LRRC20: variants seen among roughly 807,000 people sequenced by gnomAD.
The protein encoded by LRRC20 is leucine-rich repeat-containing protein 20.
In LRRC20, 11 loss-of-function variants were observed where a neutral mutation model predicts 14.4. The ratio of observed to expected loss-of-function variants is 0.77; its 90% confidence interval spans 0.48 to 1.27. The LOEUF is 1.27. Among genes scored for constraint, LRRC20 ranks in the 50% most tolerant of loss-of-function variants. The pLI, the probability that LRRC20 is intolerant of heterozygous loss-of-function variation, is 0.00. For synonymous variants in LRRC20, 121 were observed against 107.3 expected (o/e 1.13, Z -0.79); for missense variants, 219 against 251.2 (o/e 0.87, Z 0.87).
intron 4 of LRRC20, among the ~76,000 whole-genome samples, chr10:70,321,693 C>T (rs370537912): frequency 7.2e-5 from 11 of 152,212 alleles, no homozygotes; most frequent in East Asian, 1.9e-4. Flanking sequence ...CTGGCCGAGG[C>T]CAGGCAGCAG....
chr10:70,323,849 C>T lies in LRRC20; in HGVS notation c.400+14G>A. On this transcript the variant is annotated intron_variant, in intron 4 of 4. Transcript: ENST00000446961. Reference sequence around the variant, plus strand: ...GTGCAGCAGCCCAGGGCCAGGTGGGCCAGGCCCACTCACCTACGATCTCGT... The same window carrying T: ...GTGCAGCAGCCCAGGGCCAGGTGGGTCAGGCCCACTCACCTACGATCTCGT... 6.2e-7 allele frequency: 1 copy of T among 1,613,774 alleles called. No individual in the cohort carries two copies. Among genetic ancestry groups the T allele is most frequent in the Non-Finnish European group, 8.5e-7 (1 of 1,179,832 alleles).
chr10:70,321,283 T>C (rs1842066961), intron 4 of LRRC20, among the ~76,000 whole-genome samples: 1 of 152,232 alleles, frequency 6.6e-6, no homozygotes, highest in Non-Finnish European at 1.5e-5. Flanking sequence ...TGCAGAACTA[T>C]TTCCATAATG....
chr10:70,299,326 G>A lies in LRRC20; in HGVS notation c.*2028C>T, dbSNP rs1043875. The A allele has an allele frequency of 0.076, 11,597 of 152,390 alleles. 1,204 individuals are homozygous for A. Among genetic ancestry groups the A allele is most frequent in the African/African-American group, 0.24 (9,870 of 41,530 alleles). The allele number at this position is 152,390 out of a possible 1,614,324, so 9.4% of individuals were successfully genotyped here. On this transcript the variant is annotated 3_prime_UTR_variant, in exon 5 of 5. Transcript: ENST00000446961. ...AGTGTCTCCCAGGGTGGGTTAGGGA[G>A]GAGGCTGAGCACAGGCTCAGATCCC...
chr10:70,365,495 T>C (rs577864947), intron 2 of LRRC20, among the ~76,000 whole-genome samples: 4 of 152,314 alleles, frequency 2.6e-5, no homozygotes, highest in South Asian at 2.1e-4. Context: ...AAAAGTATCA[T>C]GTATAAAAGA....
chr10:70,306,945 G>C (rs1841448419), intron 4 of LRRC20, among the ~76,000 whole-genome samples: 1 of 152,122 alleles, frequency 6.6e-6, no homozygotes, highest in Non-Finnish European at 1.5e-5. Context: ...TCATTATTCT[G>C]ATGCTCAAAT....
At chr10:70,379,786 T>G (rs781529758) in intron 1 of LRRC20, among the ~76,000 whole-genome samples, 10 of 152,250 alleles carry the variant, frequency 6.6e-5, no homozygotes, top group Non-Finnish European at 1.5e-4. Flanking sequence ...GGGGAGGTGG[T>G]GCCTTAGACC....
intron 4 of LRRC20, among the ~76,000 whole-genome samples, chr10:70,316,703 T>C (rs778900467): frequency 1.3e-5 from 2 of 152,270 alleles, no homozygotes; most frequent in South Asian, 4.1e-4. Flanking sequence ...CATTAATTGC[T>C]GTTGACACCT....
At chr10:70,343,649 G>A (rs968455538) in intron 2 of LRRC20, among the ~76,000 whole-genome samples, 3 of 152,174 alleles carry the variant, frequency 2.0e-5, no homozygotes, top group African/African-American at 7.2e-5. Flanking sequence ...CAGAGTTTGG[G>A]GCAACCTGGG....
intron 2 of LRRC20, among the ~76,000 whole-genome samples, chr10:70,364,090 G>A (rs553696860): frequency 1.3e-5 from 2 of 152,198 alleles, no homozygotes; most frequent in South Asian, 4.1e-4. Context: ...GTGTGAGAAC[G>A]CAGTCCCTCC....
At chr10:70,322,146 C>T (rs994015151) in intron 4 of LRRC20, among the ~76,000 whole-genome samples, 2 of 152,140 alleles carry the variant, frequency 1.3e-5, no homozygotes, top group African/African-American at 2.4e-5. Context: ...ACCTTCTTAT[C>T]TTGAACCACC....
intron 2 of LRRC20, among the ~76,000 whole-genome samples, chr10:70,360,755 G>A (rs1843690191): frequency 6.6e-6 from 1 of 152,104 alleles, no homozygotes; most frequent in African/African-American, 2.4e-5. Context: ...CTGCATTTCT[G>A]CCAGCTCTGT....
intron 1 of LRRC20, among the ~76,000 whole-genome samples, chr10:70,379,336 G>C (rs577464577): frequency 6.6e-6 from 1 of 152,286 alleles, no homozygotes; most frequent in Non-Finnish European, 1.5e-5. Context: ...CATGTTGCTA[G>C]CATCTTGGTG....
intron 3 of LRRC20, among the ~76,000 whole-genome samples, chr10:70,329,714 G>A (rs189148394): frequency 3.3e-4 from 50 of 151,932 alleles, no homozygotes; most frequent in African/African-American, 1.2e-3. Flanking sequence ...GGTGCATGCC[G>A]CCACTATGCC....
chr10:70,332,033 C>G (rs766190415), intron 3 of LRRC20, among the ~76,000 whole-genome samples: 2 of 152,214 alleles, frequency 1.3e-5, no homozygotes, highest in East Asian at 3.9e-4. Context: ...TGTGCCAACT[C>G]CAAAAATACC....
At chr10:70,320,482 T>C (rs1842035975) in intron 4 of LRRC20, among the ~76,000 whole-genome samples, 1 of 152,244 alleles carries the variant, frequency 6.6e-6, no homozygotes, top group African/African-American at 2.4e-5. Context: ...CTGACTTGAC[T>C]TAACAATTCA....
chr10:70,363,250 TGGAGGGGAGGGAAGG>T (rs969494606), intron 2 of LRRC20, among the ~76,000 whole-genome samples: 16 of 38,122 alleles, frequency 4.2e-4, no homozygotes, highest in Non-Finnish European at 7.4e-4. Context: ...GAGGGAAGGG[TGGAGGGGAGGGAAGG>T]GGAGGGGAGG....
At chr10:70,357,788 A>G (rs1472524301) in intron 2 of LRRC20, among the ~76,000 whole-genome samples, 2 of 152,196 alleles carry the variant, frequency 1.3e-5, no homozygotes, top group Non-Finnish European at 2.9e-5. Flanking sequence ...AATTATTTTG[A>G]TTTCACTGAT....
At chr10:70,356,646 T>C (rs377108938) in intron 2 of LRRC20, among the ~76,000 whole-genome samples, 1 of 151,726 alleles carries the variant, frequency 6.6e-6, no homozygotes, top group African/African-American at 2.4e-5. Context: ...AGGTTAGGAG[T>C]TTGAGACCAG....
chr10:70,346,419 ATAAAG>A lies in LRRC20; in HGVS notation c.83-5722_83-5718del, dbSNP rs560782460. ...AGAGCAAGACCCTATCTCTAATAAAATAAAGTAAATATTAATTAACCATTTGTTTC... is the reference window on the plus strand; with the variant it reads ...AGAGCAAGACCCTATCTCTAATAAAATAAATATTAATTAACCATTTGTTTC... On this transcript the variant is annotated intron_variant, in intron 2 of 4. Transcript: ENST00000446961. Among the ~76,000 whole-genome samples the A allele has an allele frequency of 6.3e-4, 96 of 152,328 alleles. No homozygotes were observed. The South Asian group carries it at 9.3e-3, about 15-fold the overall frequency.
Sources: gnomAD v4.1 joint callset for allele counts (sites outside exome capture counted in the v4.1 genomes callset) on GRCh38, gnomAD v4.1.1 for gene constraint, MANE v1.5 for transcripts, NCBI Gene and HGNC (gene_info 2026-07-23, HGNC 2026-07-21) for gene names.